The following FBXO9 variants were observed in gnomAD, a reference collection of about 807,000 sequenced individuals.
FBXO9 encodes the protein F-box protein 9, also known as F-box only protein 9.
Under a neutral mutation model 63.7 loss-of-function variants are expected in FBXO9, and 43 were observed. The ratio of observed to expected loss-of-function variants is 0.67; its 90% CI spans 0.53 to 0.87. FBXO9 has a LOEUF of 0.87. FBXO9 is among the 40% of genes least tolerant of loss of function. FBXO9 has a pLI of 0.00. For missense variants in FBXO9, 442 were observed against 533.2 expected (o/e 0.83, Z 1.68); for synonymous variants, 156 against 171.7 (o/e 0.91, Z 0.72).
chr6:53,088,501 C>G lies in FBXO9; in HGVS notation c.654-3928C>G, dbSNP rs563923281. On this transcript the variant is annotated intron_variant, in intron 7 of 12. Transcript: ENST00000323557. ...GAATCCCATTCTGTTTCTTACTACTCTCTCCAGAGGAAAGAAAATTCTGCA... is the reference window on the plus strand; with the variant it reads ...GAATCCCATTCTGTTTCTTACTACTGTCTCCAGAGGAAAGAAAATTCTGCA... 3.9e-5 allele frequency among the ~76,000 whole-genome samples: 6 copies of G among 152,278 alleles called. No homozygotes were observed. The South Asian group carries it at 1.0e-3, about 26-fold the overall frequency.
At position 53,097,591 on chromosome 6, in the gene FBXO9, T is replaced by C. The variant is rs1426615740; in HGVS notation, c.1206-131T>C. 2.1e-5 allele frequency: 10 copies of C among 468,082 alleles called. No individual in the cohort carries two copies. The East Asian group carries it at 3.4e-4, about 16-fold the overall frequency. 29.0% of individuals were successfully genotyped at this position (468,082 alleles called of 1,614,324 possible). A position where few individuals can be genotyped will look rare whatever the true frequency, so the allele number is the denominator to read the frequency against. ...CGAGTTTTCTACAATATGCCTATATTATATAGAATTTCCTAAGATGAATTA... is the reference window on the plus strand; with the variant it reads ...CGAGTTTTCTACAATATGCCTATATCATATAGAATTTCCTAAGATGAATTA... On this transcript the variant is annotated intron_variant, in intron 12 of 12. Transcript: ENST00000323557.
Position 53,096,041 on chromosome 6 carries a change from T to C in FBXO9, c.1205+377T>C, listed in dbSNP as rs528420552. ...TTTTCCCACAGTTACCATTTTTTGC[T>C]TTATTTCCATTTGTTTTATCCTCAG... On this transcript the variant is annotated intron_variant, in intron 12 of 12. Transcript: ENST00000323557. Among the ~76,000 whole-genome samples, 3 of 152,354 alleles carry C rather than the reference T, an allele frequency of 2.0e-5. No individual in the cohort carries two copies. In the South Asian group the frequency reaches 6.2e-4, roughly 32 times the overall value.
intron 1 of FBXO9, among the ~76,000 whole-genome samples, chr6:53,070,017 CT>C (rs1032693222): frequency 0.019 from 2,041 of 109,362 alleles, 8 homozygotes; most frequent in Non-Finnish European, 0.025. Context: ...TTCTTTTTTC[CT>C]TTTTTTTTTT....
intron 1 of FBXO9, among the ~76,000 whole-genome samples, chr6:53,069,381 A>G (rs1260778245): frequency 6.6e-6 from 1 of 152,214 alleles, no homozygotes; most frequent in East Asian, 1.9e-4. Context: ...TGGGACTTGT[A>G]GAAGTTTATG....
In FBXO9 at chr6:53,092,463, G is replaced by T. The variant is rs1440995620; in HGVS notation, c.688G>T (p.Val230Phe). 1.2e-6 allele frequency: 2 copies of T among 1,613,852 alleles called. No homozygotes were observed. The highest frequency in any genetic ancestry group is 2.7e-5 in the African/African-American group (2 of 74,930). Residue 230 changes from valine to phenylalanine, a missense_variant, in exon 8 of 13, where the codon GTT (valine) becomes TTT (phenylalanine). Physicochemically the swap from Val to Phe is conservative, Grantham distance 50. Around this residue, in one of 2 missense-constraint regions of FBXO9, gnomAD observed 262 missense variants for 362.1 expected, o/e 0.72. Coordinates refer to ENST00000323557, the MANE Select transcript of FBXO9 (RefSeq NM_033480.3). ...PEIWRLACLKVWGRSCIKLVP... is the reference protein window; with the variant it reads ...PEIWRLACLKFWGRSCIKLVP... ...AATATGGCGTCTGGCCTGCTTGAAA[G>T]TTTGGGGCAGAAGCTGTATTAAACT...
At chr6:53,065,952 C>A in intron 1 of FBXO9, 160 bp downstream of exon 1, 1 of 1,145,844 alleles carries the variant, frequency 8.7e-7, no homozygotes, top group Non-Finnish European at 1.1e-6. Flanking sequence ...AGGAGTGCGT[C>A]GGGGGGCGGG....
chr6:53,098,170 C>G lies in FBXO9; in HGVS notation c.*340C>G, dbSNP rs1005877697. On this transcript the variant is annotated 3_prime_UTR_variant, in exon 13 of 13. Transcript: ENST00000323557. ...GCCCTTTTTCAAGCAGATTTATGAG[C>G]AGATTTCTGTCACATAAGTCGTCTT... 3 of 384,148 alleles carry G rather than the reference C, an allele frequency of 7.8e-6. No homozygotes were observed. The highest frequency in any genetic ancestry group is 6.4e-5 in the African/African-American group (3 of 47,148). The allele number at this position is 384,148 out of a possible 1,614,324, so 23.8% of individuals were successfully genotyped here. A position where few individuals can be genotyped will look rare whatever the true frequency, so the allele number is the denominator to read the frequency against.
rs1763313216 is a variant in FBXO9, at chr6:53,100,195, AAAGAT to A, written c.*2368_*2372del. ...TAAAATAAAATTTAAAAAAACACCC[AAAGAT>A]AACCAGAAGAAAATTTTTGCTATGT... On this transcript the variant is annotated 3_prime_UTR_variant, in exon 13 of 13. Transcript: ENST00000323557. 6.6e-6 allele frequency: 1 copy of A among 152,208 alleles called. No homozygotes were observed. Among genetic ancestry groups the A allele is most frequent in the Non-Finnish European group, 1.5e-5 (1 of 68,026 alleles). 9.4% of individuals were successfully genotyped at this position (152,208 alleles called of 1,614,324 possible). A position where few individuals can be genotyped will look rare whatever the true frequency, so the allele number is the denominator to read the frequency against.
Position 53,065,757 on chromosome 6 carries a change from A to G in FBXO9, c.-33A>G. 1 of 1,407,290 alleles carries G rather than the reference A, an allele frequency of 7.1e-7. No individual in the cohort carries two copies. Among genetic ancestry groups the G allele is most frequent in the Non-Finnish European group, 9.3e-7 (1 of 1,080,814 alleles). The allele number at this position is 1,407,290 out of a possible 1,614,324, so 87.2% of individuals were successfully genotyped here. On this transcript the variant is annotated 5_prime_UTR_variant, in exon 1 of 13. Transcript: ENST00000323557. The stretch of plus-strand genomic sequence containing the variant: ...GGGGCGGTGCAGAGGGGGCACGGAG[A>G]GCCCCTCGAGCGCAGCAGGCCGCCC...
chr6:53,070,943 A>C, intron 1 of FBXO9, 114 bp from the exon 2 acceptor site: 1 of 1,485,666 alleles, frequency 6.7e-7, no homozygotes, highest in Non-Finnish European at 9.1e-7. Context: ...AGTGGGTTCC[A>C]CAAAGTGTTG....
rs1325025062 is a variant in FBXO9 at position 53,092,487 on chromosome 6, C to T, written c.712C>T (p.Leu238Phe). ...LKVWGRSCIK[L>F]VPYTSWREMF... ...AGTTTGGGGCAGAAGCTGTATTAAA[C>T]TTGTTCCGTACACGTCCTGGAGAGA... is the stretch of plus-strand genomic sequence containing the variant. The change falls in exon 8 of 13, where the codon CTT (leucine) becomes TTT (phenylalanine). Residue 238 changes from leucine (L) to phenylalanine (F), a missense_variant. Transcript: ENST00000323557. 64 of 1,613,862 alleles carry T rather than the reference C, an allele frequency of 4.0e-5. No individual in the cohort carries two copies. In the Admixed American group the frequency reaches 1.1e-3, roughly 27 times the overall value.
In FBXO9 at chr6:53,065,421, G is replaced by T; in HGVS notation, c.-369G>T. 4.5e-6 allele frequency: 1 copy of T among 221,300 alleles called. No homozygotes were observed. Among genetic ancestry groups the T allele is most frequent in the Non-Finnish European group, 8.8e-6 (1 of 113,058 alleles). 13.7% of individuals were successfully genotyped at this position (221,300 alleles called of 1,614,324 possible). ...CACTGCGCATGCTCGGCGCGTCGGC[G>T]CAGGTTTCCGCAGCTGAGGGGGCAG... On this transcript the variant is annotated 5_prime_UTR_variant, in exon 1 of 13. Transcript: ENST00000323557.
chr6:53,091,724 G>A (rs1371371893), intron 7 of FBXO9: 1 of 152,316 alleles, frequency 6.6e-6, no homozygotes, highest in East Asian at 1.9e-4. Flanking sequence ...TTTATCTCCA[G>A]TCTGACCATT....
intron 7 of FBXO9, chr6:53,090,843 G>C (rs1763020049): frequency 6.6e-6 from 1 of 151,820 alleles, no homozygotes; most frequent in African/African-American, 2.4e-5. Context: ...ACCATGCCTG[G>C]TTAATTTTTT....
At chr6:53,095,692 GT>G (rs1446905097) in intron 12 of FBXO9, 28 bp downstream of exon 12, 9 of 1,575,536 alleles carry the variant, frequency 5.7e-6, no homozygotes, top group Non-Finnish European at 7.7e-6. Flanking sequence ...AAATAACAAG[GT>G]TACACTATAA....
rs970760111 is a variant in FBXO9, at chr6:53,100,184, A to G, written c.*2354A>G. The G allele has an allele frequency of 6.6e-6, 1 of 152,206 alleles. No homozygotes were observed. The highest frequency in any genetic ancestry group is 2.4e-5 in the African/African-American group (1 of 41,460). The allele number at this position is 152,206 out of a possible 1,614,324, so 9.4% of individuals were successfully genotyped here. On this transcript the variant is annotated 3_prime_UTR_variant, in exon 13 of 13. Coordinates refer to ENST00000323557, the MANE Select transcript of FBXO9 (RefSeq NM_033480.3). ...GAATATACAGATAAAATAAAATTTA[A>G]AAAAACACCCAAAGATAACCAGAAG...
chr6:53,088,860 A>G (rs1472354345), intron 7 of FBXO9, among the ~76,000 whole-genome samples: 2 of 151,630 alleles, frequency 1.3e-5, no homozygotes, highest in East Asian at 3.9e-4. Context: ...TCAGTCTCCT[A>G]AAGTGCAGGA....
intron 7 of FBXO9, among the ~76,000 whole-genome samples, chr6:53,085,368 A>G (rs375342924): frequency 6.6e-6 from 1 of 152,136 alleles, no homozygotes; most frequent in Non-Finnish European, 1.5e-5. Flanking sequence ...GCAGTTTTGG[A>G]CTGTAGCTGA....
rs1183892568 is a variant in FBXO9 at position 53,073,500 on chromosome 6, G to A, written c.110G>A (p.Arg37Gln). Residue 37 changes from arginine (R) to glutamine (Q), a missense_variant, in exon 3 of 13, where the codon CGA (arginine) becomes CAA (glutamine). Arg to Gln is a conservative substitution (Grantham distance 43). Coordinates refer to ENST00000323557, the MANE Select transcript of FBXO9 (RefSeq NM_033480.3). ...TDLQAQLQMF[R>Q]AQWMFELAPG... ...CCATAGGCACAACTCCAGATGTTCCGAGCTCAGTGGATGTTTGAACTTGCT... is the reference window on the plus strand; with the variant it reads ...CCATAGGCACAACTCCAGATGTTCCAAGCTCAGTGGATGTTTGAACTTGCT... The A allele has an allele frequency of 1.9e-6, 3 of 1,613,630 alleles. No homozygotes were observed. The highest frequency in any genetic ancestry group is 1.3e-5 in the African/African-American group (1 of 75,020).
Sources: gnomAD v4.1 joint callset for allele counts (sites outside exome capture counted in the v4.1 genomes callset) on GRCh38, gnomAD v4.1.1 for gene constraint, gnomAD v4.1.1 regional missense constraint, MANE v1.5 for transcripts, NCBI Gene and HGNC (gene_info 2026-07-23, HGNC 2026-07-21) for gene names.